The following ARHGEF4 variants were observed in gnomAD, a reference collection of about 807,000 sequenced individuals.
The protein encoded by ARHGEF4 is Rho guanine nucleotide exchange factor 4, also known as APC-stimulated guanine nucleotide exchange factor 1.
ARHGEF4 carries 119 observed loss-of-function variants against 162.0 expected under a neutral mutation model. The ratio of observed to expected loss-of-function variants is 0.73; its 90% CI spans 0.63 to 0.86. The LOEUF is 0.86. Among genes scored for constraint, ARHGEF4 ranks in the 40% least tolerant of loss-of-function variants. The pLI is 0.00. For missense variants in ARHGEF4, 2,488 were observed against 2,456.0 expected, an observed-to-expected ratio of 1.01 and a Z score of -0.28; for synonymous variants, 1,014 against 979.9, an observed-to-expected ratio of 1.03 and a Z score of -0.65.
intron 4 of ARHGEF4, among the ~76,000 whole-genome samples, chr2:130,960,137 C>A (rs1429595650): frequency 6.6e-6 from 1 of 151,766 alleles, no homozygotes; most frequent in Non-Finnish European, 1.5e-5. Context: ...ATGGTGGTCC[C>A]CTAAGATTAT....
chr2:130,867,758 A>G (rs574282005), intron 1 of ARHGEF4, among the ~76,000 whole-genome samples: 1 of 152,008 alleles, frequency 6.6e-6, no homozygotes, highest in Admixed American at 6.6e-5. Context: ...ATCAGGAGCT[A>G]CCAGAGATAA....
intron 4 of ARHGEF4, among the ~76,000 whole-genome samples, chr2:131,007,727 C>T (rs1457589763): frequency 1.4e-5 from 2 of 140,898 alleles, no homozygotes; most frequent in South Asian, 2.3e-4. Context: ...TTGTAAGCTA[C>T]TTTTTAATTT....
Position 131,038,873 on chromosome 2 carries a change from G to A in ARHGEF4, c.4146G>A (p.Val1382=), listed in dbSNP as rs200692121. ...AINELISDGS[V]VCAEALWDHV... ...GGCAGCTCATCAGCGATGGCAGTGT[G>A]GTCTGCGCTGAAGCACTCTGGGACC... is the stretch of plus-strand genomic sequence containing the variant. The change falls in exon 6 of 14, where the codon GTG becomes GTA. Residue 1382 remains valine (V), a synonymous_variant. Transcript: ENST00000409359. 43 of 1,612,250 alleles carry A rather than the reference G, an allele frequency of 2.7e-5. No homozygotes were observed. The highest frequency in any genetic ancestry group is 1.6e-4 in the Middle Eastern group (1 of 6,064).
At chr2:130,874,163 A>G (rs113741452) in intron 1 of ARHGEF4, among the ~76,000 whole-genome samples, 35 of 152,274 alleles carry the variant, frequency 2.3e-4, no homozygotes, top group African/African-American at 7.5e-4. Flanking sequence ...GGATCTCCCT[A>G]TCAGCAAAAA....
At chr2:131,005,078 T>C (rs1688034331) in intron 4 of ARHGEF4, among the ~76,000 whole-genome samples, 1 of 152,134 alleles carries the variant, frequency 6.6e-6, no homozygotes, top group Non-Finnish European at 1.5e-5. Context: ...GAGGGCTGTA[T>C]GGTGGTGAGG....
At chr2:131,028,537 T>C (rs10196690) in intron 5 of ARHGEF4, among the ~76,000 whole-genome samples, 6 of 152,176 alleles carry the variant, frequency 3.9e-5, no homozygotes. Flanking sequence ...TTGCTGTTGC[T>C]ATGACAACTG....
At chr2:130,849,885 A>C (rs957969317) in intron 1 of ARHGEF4, among the ~76,000 whole-genome samples, 2 of 152,212 alleles carry the variant, frequency 1.3e-5, no homozygotes, top group African/African-American at 4.8e-5. Context: ...TTTTTAAAAA[A>C]CGGTATAATA....
chr2:131,017,107 G>A (rs1688814920), intron 4 of ARHGEF4, among the ~76,000 whole-genome samples: 1 of 152,208 alleles, frequency 6.6e-6, no homozygotes, highest in Admixed American at 6.5e-5. Flanking sequence ...TGGCCTTTGT[G>A]TTGCTGGGCC....
intron 4 of ARHGEF4, among the ~76,000 whole-genome samples, chr2:130,961,688 C>T (rs994082425): frequency 2.6e-5 from 4 of 152,056 alleles, no homozygotes; most frequent in East Asian, 1.9e-4. Flanking sequence ...CACGGTATGG[C>T]GGTGGTAGCA....
chr2:131,043,650 G>A (rs1690994892), intron 11 of ARHGEF4, 67 bp downstream of exon 11: 44 of 1,607,004 alleles, frequency 2.7e-5, no homozygotes, highest in South Asian at 1.1e-4. Flanking sequence ...TGAGGGCTGG[G>A]AGCAGCTGCC....
chr2:131,003,919 T>G (rs1195278826), intron 4 of ARHGEF4, among the ~76,000 whole-genome samples: 1 of 152,090 alleles, frequency 6.6e-6, no homozygotes, highest in African/African-American at 2.4e-5. Flanking sequence ...CAGGGACCCT[T>G]CACAAGTTTT....
intron 4 of ARHGEF4, among the ~76,000 whole-genome samples, chr2:131,004,498 T>G (rs557386288): frequency 6.6e-6 from 1 of 152,248 alleles, no homozygotes; most frequent in Admixed American, 6.5e-5. Flanking sequence ...CGGAAGTATT[T>G]CACTCCCTAA....
intron 1 of ARHGEF4, among the ~76,000 whole-genome samples, chr2:130,854,902 C>A (rs989238369): frequency 6.8e-6 from 1 of 146,562 alleles, no homozygotes; most frequent in African/African-American, 2.5e-5. Flanking sequence ...GAGACAGAGT[C>A]TCACTCTGTC....
chr2:130,915,780 G>C lies in ARHGEF4; in HGVS notation c.1834G>C (p.Gly612Arg). ...GGGTGAACAGGGGCCTGGGGGTGCC[G>C]GGGGCCGGCAGCTGGAGCCCAAAGC... ...EEGEQGPGGA[G>R]GRQLEPKAGG... is the part of the protein sequence containing the mutation. The change falls in exon 2 of 14, where the codon GGG becomes CGG. Residue 612 changes from glycine to arginine, a missense_variant. Gly to Arg is a moderately radical substitution (Grantham distance 125). This residue lies in a region of ARHGEF4 where 1,642 missense variants were observed against 1,481.5 expected (regional missense o/e 1.11). Coordinates refer to ENST00000409359, the MANE Select transcript of ARHGEF4 (RefSeq NM_001367493.1). 6.6e-7 allele frequency: 1 copy of C among 1,520,014 alleles called. No homozygotes were observed. The highest frequency in any genetic ancestry group is 8.8e-7 in the Non-Finnish European group (1 of 1,130,840). The allele number at this position is 1,520,014 out of a possible 1,614,324, so 94.2% of individuals were successfully genotyped here.
chr2:130,950,640 A>G (rs958285409), intron 4 of ARHGEF4, among the ~76,000 whole-genome samples: 13 of 151,994 alleles, frequency 8.6e-5, no homozygotes, highest in Admixed American at 8.5e-4. Flanking sequence ...AGTCCATTTT[A>G]GAACATTGTC....
At chr2:130,886,035 T>C (rs1679501070) in intron 1 of ARHGEF4, among the ~76,000 whole-genome samples, 1 of 152,094 alleles carries the variant, frequency 6.6e-6, no homozygotes, top group South Asian at 2.1e-4. Flanking sequence ...TCTGTTGTGA[T>C]CACATGTTTA....
chr2:130,946,741 T>C, intron 4 of ARHGEF4, 106 bp downstream of exon 4: 1 of 1,511,488 alleles, frequency 6.6e-7, no homozygotes, highest in Non-Finnish European at 9.0e-7. Context: ...TAGAAGTAGC[T>C]TGAAGGTGAG....
rs952798767 is a variant in ARHGEF4, at chr2:131,005,234, T to G, written c.3986-22711T>G. On this transcript the variant is annotated intron_variant, in intron 4 of 13. Coordinates refer to ENST00000409359, the MANE Select transcript of ARHGEF4 (RefSeq NM_001367493.1). ...ATCTGTCACGCTCTGGGGGCAGAGC[T>G]GACTTGACTGTGTCCTGTGAGGGAC... Among the ~76,000 whole-genome samples, 9 of 152,268 alleles carry G rather than the reference T, an allele frequency of 5.9e-5. No individual in the cohort carries two copies. In the East Asian group the frequency reaches 7.7e-4, roughly 13 times the overall value.
At chr2:130,987,604 T>C (rs1284080550) in intron 4 of ARHGEF4, among the ~76,000 whole-genome samples, 2 of 152,114 alleles carry the variant, frequency 1.3e-5, no homozygotes, top group Non-Finnish European at 2.9e-5. Context: ...TGCTGATTGG[T>C]GCGTTTTACA....
Sources: gnomAD v4.1 joint callset for allele counts (sites outside exome capture counted in the v4.1 genomes callset) on GRCh38, gnomAD v4.1.1 for gene constraint, gnomAD v4.1.1 regional missense constraint, MANE v1.5 for transcripts, NCBI Gene and HGNC (gene_info 2026-07-23, HGNC 2026-07-21) for gene names.